The following ASIC2 variants were observed in gnomAD, a reference collection of about 807,000 sequenced individuals.
ASIC2 encodes the protein acid sensing ion channel subunit 2, also known as acid-sensing ion channel 2.
In ASIC2, 25 loss-of-function variants were observed where a neutral mutation model predicts 57.3. That is an observed-to-expected ratio of 0.44 (90% confidence interval 0.32 to 0.61). ASIC2 has a LOEUF of 0.61. ASIC2 is among the 20% of genes least tolerant of loss of function. The probability of loss-of-function intolerance (pLI) is 0.06; values close to 1 mark genes in which losing one functional copy is unlikely to be tolerated. For synonymous variants in ASIC2, 319 were observed against 307.5 expected, an observed-to-expected ratio of 1.04 and a Z score of -0.39; for missense variants, 641 against 738.1, an observed-to-expected ratio of 0.87 and a Z score of 1.52.
At chr17:33,585,789 C>T (rs979139064) in intron 1 of ASIC2, among the ~76,000 whole-genome samples, 1 of 152,178 alleles carries the variant, frequency 6.6e-6, no homozygotes, top group African/African-American at 2.4e-5. Flanking sequence ...GATGTTTTAT[C>T]TAATTTGTAG....
rs146176902 is a variant in ASIC2, at chr17:33,345,515, G to A, written c.556-233448C>T. On this transcript the variant is annotated intron_variant, in intron 1 of 9. Transcript: ENST00000359872. Reference sequence around the variant, plus strand: ...GAGCAGAGATTTAAAACAGGGTGATGTGCTTGAGTTATTGGGTGGCTGCTT... The same window carrying A: ...GAGCAGAGATTTAAAACAGGGTGATATGCTTGAGTTATTGGGTGGCTGCTT... 1.6e-3 allele frequency among the ~76,000 whole-genome samples: 249 copies of A among 152,306 alleles called. 1 individual carries two copies. Among genetic ancestry groups the A allele is most frequent in the African/African-American group, 5.7e-3 (236 of 41,552 alleles).
intron 1 of ASIC2, chr17:33,936,621 A>G (rs1346007603): frequency 6.6e-6 from 1 of 152,194 alleles, no homozygotes. Flanking sequence ...GGAGAACTGA[A>G]TTTCAGAAGA....
intron 1 of ASIC2, among the ~76,000 whole-genome samples, chr17:33,151,804 C>T (rs1036920710): frequency 2.0e-5 from 3 of 152,136 alleles, no homozygotes; most frequent in East Asian, 1.9e-4. Context: ...ACTTCCCAGC[C>T]GCGGAACTGT....
chr17:33,599,186 G>A lies in ASIC2; in HGVS notation c.556-487119C>T, dbSNP rs907063281. Among the ~76,000 whole-genome samples, 3 of 152,240 alleles carry A rather than the reference G, an allele frequency of 2.0e-5. 1 individual carries two copies. Among genetic ancestry groups the A allele is most frequent in the Admixed American group, 2.0e-4 (3 of 15,290 alleles). The stretch of plus-strand genomic sequence containing the variant: ...AAGAAATATTTTTTTGAAAATGTGA[G>A]TGAAACCTTGGTGTGCATGGGATTA... On this transcript the variant is annotated intron_variant, in intron 1 of 9. Coordinates refer to the ASIC2 transcript ENST00000359872.
intron 4 of ASIC2, among the ~76,000 whole-genome samples, 200 bp from the exon 5 acceptor site, chr17:33,026,182 C>T (rs1238175644): frequency 1.3e-5 from 2 of 152,208 alleles, no homozygotes; most frequent in African/African-American, 4.8e-5. Flanking sequence ...GCTATGTAAG[C>T]TTGGGCAGGC....
intron 1 of ASIC2, among the ~76,000 whole-genome samples, chr17:33,218,057 GTAA>G (rs1203699975): frequency 6.6e-6 from 1 of 152,198 alleles, no homozygotes; most frequent in East Asian, 1.9e-4. Context: ...AAAACCTCCC[GTAA>G]TGGCAAAGAC....
At chr17:33,117,222 G>A (rs2092284807) in intron 1 of ASIC2, among the ~76,000 whole-genome samples, 1 of 151,862 alleles carries the variant, frequency 6.6e-6, no homozygotes, top group Admixed American at 6.6e-5. Context: ...ACCCAGGCTG[G>A]AGTTCAGTGG....
intron 3 of ASIC2, among the ~76,000 whole-genome samples, chr17:33,088,050 T>C (rs2092141908): frequency 6.6e-6 from 1 of 152,120 alleles, no homozygotes; most frequent in Non-Finnish European, 1.5e-5. Context: ...CCAGAGCAGG[T>C]GCCTTCACTA....
intron 1 of ASIC2, among the ~76,000 whole-genome samples, chr17:33,305,471 G>C (rs1046995193): frequency 6.6e-6 from 1 of 152,140 alleles, no homozygotes; most frequent in Non-Finnish European, 1.5e-5. Flanking sequence ...AAACAAAAAG[G>C]CTTAAGACGT....
At chr17:33,083,947 C>T (rs1035926780) in intron 3 of ASIC2, among the ~76,000 whole-genome samples, 14 of 152,238 alleles carry the variant, frequency 9.2e-5, no homozygotes, top group Admixed American at 3.9e-4. Context: ...AGCCTCTCTC[C>T]TAGAGTTTTA....
chr17:33,767,906 C>T (rs1217334036), intron 1 of ASIC2, among the ~76,000 whole-genome samples: 1 of 152,168 alleles, frequency 6.6e-6, no homozygotes, highest in Non-Finnish European at 1.5e-5. Flanking sequence ...GATTCAGTTC[C>T]AATGTACTCA....
intron 1 of ASIC2, among the ~76,000 whole-genome samples, chr17:33,884,987 A>C (rs1914795522): frequency 1.3e-5 from 2 of 152,230 alleles, no homozygotes; most frequent in African/African-American, 4.8e-5. Context: ...TTATAATCAC[A>C]ACCAGTGTTG....
chr17:33,177,422 C>A (rs927725199), intron 1 of ASIC2, among the ~76,000 whole-genome samples: 3 of 152,068 alleles, frequency 2.0e-5, no homozygotes, highest in African/African-American at 7.2e-5. Context: ...CAAAGGAAGG[C>A]AGAAAAATGG....
chr17:33,699,005 C>T (rs1190880288), intron 1 of ASIC2, among the ~76,000 whole-genome samples: 1 of 152,098 alleles, frequency 6.6e-6, no homozygotes, highest in African/African-American at 2.4e-5. Flanking sequence ...TTCACCGGCT[C>T]CCTGTGCTAC....
chr17:34,051,329 AG>A lies in ASIC2; in HGVS notation c.555+104648del, dbSNP rs562873099. ...AGCAGGGCTGTGGTGGAAAATGCAC[AG>A]GATCTGTTCTCGGAACACTTGGGTG... On this transcript the variant is annotated intron_variant, in intron 1 of 9. Transcript: ENST00000359872. Among the ~76,000 whole-genome samples, 78 of 152,300 alleles carry A rather than the reference AG, an allele frequency of 5.1e-4. 1 individual carries two copies. Among genetic ancestry groups the A allele is most frequent in the African/African-American group, 1.9e-3 (77 of 41,562 alleles).
chr17:34,112,846 C>T (rs1297635476), intron 1 of ASIC2, among the ~76,000 whole-genome samples: 1 of 152,144 alleles, frequency 6.6e-6, no homozygotes, highest in Non-Finnish European at 1.5e-5. Flanking sequence ...AGGACACACT[C>T]AATAGGATGA....
At chr17:33,418,545 A>G (rs58296470) in intron 1 of ASIC2, among the ~76,000 whole-genome samples, 1,714 of 152,262 alleles carry the variant, frequency 0.011, 27 homozygotes, top group African/African-American at 0.037. Flanking sequence ...TAATTTTTGT[A>G]TAAGGTGTAA....
chr17:34,115,756 C>T (rs1451001627), intron 1 of ASIC2, among the ~76,000 whole-genome samples: 1 of 152,162 alleles, frequency 6.6e-6, no homozygotes, highest in African/African-American at 2.4e-5. Context: ...GGATGTGGCA[C>T]TTAGAATTTA....
chr17:33,225,321 C>T (rs1467750406), intron 1 of ASIC2, among the ~76,000 whole-genome samples: 1 of 152,212 alleles, frequency 6.6e-6, no homozygotes, highest in East Asian at 1.9e-4. Context: ...CATTTACTGT[C>T]TGCGTGATTG....
Sources: gnomAD v4.1 joint callset for allele counts (sites outside exome capture counted in the v4.1 genomes callset) on GRCh38, gnomAD v4.1.1 for gene constraint, MANE v1.5 for transcripts, NCBI Gene and HGNC (gene_info 2026-07-23, HGNC 2026-07-21) for gene names.